TRHR: variants seen among roughly 807,000 people sequenced by gnomAD.
The protein encoded by TRHR is thyrotropin releasing hormone receptor, also known as thyrotropin-releasing hormone receptor.
A neutral mutation model predicts 28.0 loss-of-function variants in TRHR; 14 were observed. That is an observed-to-expected ratio of 0.50 (90% CI 0.33 to 0.78). TRHR has a LOEUF of 0.78. Among genes scored for constraint, TRHR ranks in the 30% least tolerant of loss-of-function variants. The probability of loss-of-function intolerance (pLI) is 0.02; values close to 1 mark genes in which losing one functional copy is unlikely to be tolerated. For synonymous variants in TRHR, 176 were observed against 171.9 expected, an observed-to-expected ratio of 1.02 and a Z score of -0.18; for missense variants, 438 against 469.5, an observed-to-expected ratio of 0.93 and a Z score of 0.62.
Position 109,088,214 on chromosome 8 carries a change from GA to G in TRHR, c.707del (p.Asn236MetfsTer10), listed in dbSNP as rs764594551. On this transcript the variant is annotated frameshift_variant, in exon 2 of 3. Coordinates refer to ENST00000518632, the MANE Select transcript of TRHR (RefSeq NM_003301.7). LOFTEE classifies it high-confidence loss of function. Reference sequence around the variant, plus strand: ...ATCCTAAAGAAAACTCTAAGACATGGAAAAATGATTCAACCCATCAGAACAC... The same window carrying G: ...ATCCTAAAGAAAACTCTAAGACATGGAAAATGATTCAACCCATCAGAACAC... ...SDPKENSKTW[K>X]NDSTHQNTNL... is the part of the protein sequence containing the mutation. 3.1e-6 allele frequency: 5 copies of G among 1,613,874 alleles called. No individual in the cohort carries two copies. Among genetic ancestry groups the G allele is most frequent in the Non-Finnish European group, 4.2e-6 (5 of 1,179,976 alleles).
intron 2 of TRHR, among the ~76,000 whole-genome samples, chr8:109,096,650 G>C (rs1811597565): frequency 6.6e-6 from 1 of 152,144 alleles, no homozygotes; most frequent in Admixed American, 6.5e-5. Flanking sequence ...CTTAAAATTG[G>C]TCATGGTTGA....
Position 109,087,962 on chromosome 8 carries a change from G to A in TRHR, c.450G>A (p.Trp150Ter). ...SRAKKIIIFV[W>*]AFTSLYCMLW... ...CCAAAAAGATTATCATCTTTGTCTG[G>A]GCTTTCACATCTCTTTACTGTATGC... Residue 150 changes from tryptophan (W) to a stop codon, truncating the protein, a stop_gained, in exon 2 of 3, where the codon TGG becomes TGA. Coordinates refer to ENST00000518632, the MANE Select transcript of TRHR (RefSeq NM_003301.7). LOFTEE classifies it high-confidence loss of function. 1 of 1,613,946 alleles carries A rather than the reference G, an allele frequency of 6.2e-7. No individual in the cohort carries two copies. Among genetic ancestry groups the A allele is most frequent in the Non-Finnish European group, 8.5e-7 (1 of 1,180,008 alleles).
chr8:109,119,244 C>A lies in TRHR; in HGVS notation c.986C>A (p.Ala329Glu), dbSNP rs774993829. 5.0e-6 allele frequency: 8 copies of A among 1,612,760 alleles called. No individual in the cohort carries two copies. Among genetic ancestry groups the A allele is most frequent in the Non-Finnish European group, 5.9e-6 (7 of 1,179,272 alleles). Residue 329 changes from alanine to glutamate, a missense_variant, in exon 3 of 3, where the codon GCA becomes GAA. By Grantham distance (107) the Ala-to-Glu change is moderately radical. Coordinates refer to ENST00000518632, the MANE Select transcript of TRHR (RefSeq NM_003301.7). ...IYNLMSQKFR[A>E]AFRKLCNCKQ... Reference sequence around the variant, plus strand: ...AATCTCATGTCCCAGAAATTCCGTGCAGCCTTCAGAAAGCTCTGCAACTGC... The same window carrying A: ...AATCTCATGTCCCAGAAATTCCGTGAAGCCTTCAGAAAGCTCTGCAACTGC...
intron 2 of TRHR, among the ~76,000 whole-genome samples, chr8:109,113,743 A>T (rs569607423): frequency 8.5e-5 from 13 of 152,252 alleles, no homozygotes; most frequent in African/African-American, 2.4e-4. Flanking sequence ...TATAAATCTA[A>T]TACTATTCTA....
At position 109,099,193 on chromosome 8, in the gene TRHR, T is replaced by C. The variant is rs187203971; in HGVS notation, c.789+10892T>C. Reference sequence around the variant, plus strand: ...GAGTTTTATGGAGGAGTTAGAAATATGGGATTGGAAGTGAGTGGTCAGGAT... The same window carrying C: ...GAGTTTTATGGAGGAGTTAGAAATACGGGATTGGAAGTGAGTGGTCAGGAT... On this transcript the variant is annotated intron_variant, in intron 2 of 2. Coordinates refer to ENST00000518632, the MANE Select transcript of TRHR (RefSeq NM_003301.7). Among the ~76,000 whole-genome samples, 210 of 152,192 alleles carry C rather than the reference T, an allele frequency of 1.4e-3. 1 individual carries two copies. The highest frequency in any genetic ancestry group is 4.1e-3 in the Admixed American group (63 of 15,280).
rs1250814727 is a variant in TRHR, at chr8:109,119,552, G to GAGCAGATC, written c.*100_*107dup. On this transcript the variant is annotated 3_prime_UTR_variant, in exon 3 of 3. Coordinates refer to ENST00000518632, the MANE Select transcript of TRHR (RefSeq NM_003301.7). Reference sequence around the variant, plus strand: ...TGGCCAATAGTCATATGTGAAGACAGAGCAGATCAGTCTTTGTCAATGCTC... The same window carrying GAGCAGATC: ...TGGCCAATAGTCATATGTGAAGACAGAGCAGATCAGCAGATCAGTCTTTGTCAATGCTC... 7 of 1,427,014 alleles carry GAGCAGATC rather than the reference G, an allele frequency of 4.9e-6. No individual in the cohort carries two copies. The highest frequency in any genetic ancestry group is 5.8e-6 in the Non-Finnish European group (6 of 1,037,210). 88.4% of individuals were successfully genotyped at this position (1,427,014 alleles called of 1,614,324 possible). A position where few individuals can be genotyped will look rare whatever the true frequency, so the allele number is the denominator to read the frequency against.
Position 109,121,357 on chromosome 8 carries a change from A to G in TRHR, c.*1902A>G, listed in dbSNP as rs563333625. On this transcript the variant is annotated 3_prime_UTR_variant, in exon 3 of 3. Coordinates refer to ENST00000518632, the MANE Select transcript of TRHR (RefSeq NM_003301.7). ...CCACATGTTCATAAATTGGTGAAAA[A>G]GGGGATTGGAATATACGAGATTTTT... Among the ~76,000 whole-genome samples the G allele has an allele frequency of 6.6e-6, 1 of 151,766 alleles. No individual in the cohort carries two copies. Among genetic ancestry groups the G allele is most frequent in the Non-Finnish European group, 1.5e-5 (1 of 67,756 alleles).
intron 2 of TRHR, among the ~76,000 whole-genome samples, chr8:109,104,620 C>T (rs182305009): frequency 8.6e-4 from 130 of 152,040 alleles, no homozygotes; most frequent in Non-Finnish European, 1.7e-3. Flanking sequence ...TTATTTCACC[C>T]AAAACCCCTG....
chr8:109,095,351 T>C (rs1255109660), intron 2 of TRHR, among the ~76,000 whole-genome samples: 3 of 151,702 alleles, frequency 2.0e-5, no homozygotes, highest in Admixed American at 2.0e-4. Flanking sequence ...CCTATAAAGG[T>C]GTGATGAATG....
At chr8:109,089,023 C>T in intron 2 of TRHR, among the ~76,000 whole-genome samples, 1 of 152,094 alleles carries the variant, frequency 6.6e-6, no homozygotes, top group East Asian at 1.9e-4. Context: ...TTCTGTTATA[C>T]TTTTAGATCA....
At chr8:109,093,595 G>A (rs1050547020) in intron 2 of TRHR, among the ~76,000 whole-genome samples, 22 of 151,300 alleles carry the variant, frequency 1.5e-4, no homozygotes, top group African/African-American at 4.1e-4. Flanking sequence ...TAGGAGAGAC[G>A]GGGTTTCACC....
chr8:109,097,788 T>C (rs75528129), intron 2 of TRHR, among the ~76,000 whole-genome samples: 7,763 of 152,272 alleles, frequency 0.051, 220 homozygotes, highest in South Asian at 0.08. Context: ...TTCAAGCTAT[T>C]GAGCAATGCC....
chr8:109,092,847 T>C (rs753643295), intron 2 of TRHR, among the ~76,000 whole-genome samples: 2 of 152,030 alleles, frequency 1.3e-5, no homozygotes, highest in Non-Finnish European at 2.9e-5. Flanking sequence ...AAACTAGGAA[T>C]AGGCAAAAGC....
intron 2 of TRHR, among the ~76,000 whole-genome samples, chr8:109,095,107 C>T (rs946493756): frequency 1.3e-5 from 2 of 151,828 alleles, no homozygotes; most frequent in Non-Finnish European, 2.9e-5. Context: ...TTCAATATGT[C>T]CCCTAATTTA....
intron 1 of TRHR, 39 bp from the exon 2 acceptor site, chr8:109,087,386 G>A (rs2129860601): frequency 9.8e-7 from 1 of 1,017,024 alleles, no homozygotes; most frequent in Non-Finnish European, 1.5e-6. Flanking sequence ...ATCAGAAATT[G>A]TAACACTGTT....
chr8:109,091,296 G>A (rs1389121922), intron 2 of TRHR, among the ~76,000 whole-genome samples: 7 of 152,158 alleles, frequency 4.6e-5, no homozygotes, highest in Non-Finnish European at 1.0e-4. Flanking sequence ...AATTCAATAT[G>A]GCCCCAGGAT....
intron 2 of TRHR, among the ~76,000 whole-genome samples, chr8:109,100,846 G>C (rs550420660): frequency 3.3e-5 from 5 of 152,246 alleles, no homozygotes; most frequent in Admixed American, 3.3e-4. Context: ...CATTTTGTAG[G>C]TGAAGGGAAG....
chr8:109,088,371 C>G, intron 2 of TRHR, 70 bp downstream of exon 2: 1 of 1,541,688 alleles, frequency 6.5e-7, no homozygotes, highest in South Asian at 1.1e-5. Flanking sequence ...TGGGAAACAA[C>G]TTTTCCCTGT....
chr8:109,089,193 T>C (rs1563620642), intron 2 of TRHR, among the ~76,000 whole-genome samples: 1 of 152,026 alleles, frequency 6.6e-6, no homozygotes, highest in Admixed American at 6.6e-5. Context: ...AAACTTAGCT[T>C]GAAGTTTCTT....
Sources: allele counts gnomAD v4.1 joint callset (sites outside exome capture counted in the v4.1 genomes callset), GRCh38; gene constraint gnomAD v4.1.1; transcripts MANE v1.5; gene names NCBI Gene and HGNC (gene_info 2026-07-23, HGNC 2026-07-21).